OSBPL3: variants seen among roughly 807,000 people sequenced by gnomAD.
The protein encoded by OSBPL3 is oxysterol binding protein like 3.
Under a neutral mutation model 120.1 loss-of-function variants are expected in OSBPL3, and 65 were observed. That is an observed-to-expected ratio of 0.54 (90% CI 0.44 to 0.67). The LOEUF (loss-of-function observed/expected upper bound fraction) is 0.67, where lower values mean the gene tolerates loss of function less well. OSBPL3 is among the 30% of genes least tolerant of loss of function. The pLI is 0.00. For missense variants in OSBPL3, 1,004 were observed against 1,082.1 expected (o/e 0.93, Z 1.01); for synonymous variants, 416 against 402.6 (o/e 1.03, Z -0.40).
intron 14 of OSBPL3, 148 bp downstream of exon 14, chr7:24,840,542 T>G: frequency 2.2e-6 from 1 of 458,420 alleles, no homozygotes; most frequent in Non-Finnish European, 3.8e-6. Flanking sequence ...TAGTTACATC[T>G]TTGGGGAGTC....
At position 24,817,073 on chromosome 7, in the gene OSBPL3, G is replaced by A. The variant is rs1168889195; in HGVS notation, c.1949-385C>T. Among the ~76,000 whole-genome samples, 1 of 152,200 alleles carries A rather than the reference G, an allele frequency of 6.6e-6. No individual in the cohort carries two copies. Among genetic ancestry groups the A allele is most frequent in the African/African-American group, 2.4e-5 (1 of 41,462 alleles). On this transcript the variant is annotated intron_variant, in intron 17 of 22. Transcript: ENST00000313367. The surrounding 1 kb of genome is among the most constrained non-coding windows in gnomAD (Gnocchi z 4.0). Reference sequence around the variant, plus strand: ...AGGGCCATCTAAATGGGGCTTTGAGGAATAAGCAGGAGTTCACTGGGCAGA... The same window carrying A: ...AGGGCCATCTAAATGGGGCTTTGAGAAATAAGCAGGAGTTCACTGGGCAGA...
chr7:24,907,171 T>C (rs1187657835), intron 1 of OSBPL3, among the ~76,000 whole-genome samples: 2 of 152,208 alleles, frequency 1.3e-5, no homozygotes, highest in Non-Finnish European at 2.9e-5. Context: ...CATTAGGCCC[T>C]GCAACTGACT....
At chr7:24,909,775 T>TC (rs1554402700) in intron 1 of OSBPL3, among the ~76,000 whole-genome samples, 3 of 136,186 alleles carry the variant, frequency 2.2e-5, no homozygotes, top group African/African-American at 8.2e-5. Flanking sequence ...ACTGTTTTTT[T>TC]TTTCTTTCTT....
intron 19 of OSBPL3, among the ~76,000 whole-genome samples, chr7:24,814,116 G>C (rs1339903967): frequency 6.6e-6 from 1 of 152,102 alleles, no homozygotes; most frequent in Non-Finnish European, 1.5e-5. Flanking sequence ...AAGAAAATGG[G>C]ACAGGATAGG....
At position 24,881,854 on chromosome 7, in the gene OSBPL3, T is replaced by C. The variant is rs1803732197; in HGVS notation, c.97-9785A>G. Among the ~76,000 whole-genome samples, 1 of 152,184 alleles carries C rather than the reference T, an allele frequency of 6.6e-6. No individual in the cohort carries two copies. Among genetic ancestry groups the C allele is most frequent in the Non-Finnish European group, 1.5e-5 (1 of 68,026 alleles). On this transcript the variant is annotated intron_variant, in intron 2 of 22. Coordinates refer to ENST00000313367, the MANE Select transcript of OSBPL3 (RefSeq NM_015550.4). This position sits in a 1 kb window ranked among gnomAD's most constrained non-coding sequence, Gnocchi z 4.3. ...CTTCTCCCTCTGGTGGCTGCCAGCA[T>C]TCCATGGCATGGCTTGGCTTGTAGC...
rs73290274 is a variant in OSBPL3, at chr7:24,813,313, G to C, written c.2172+1746C>G. Reference sequence around the variant, plus strand: ...CAGGCGAGTGTGGCATCCACTTGCAGCATCTCTTTCAACACCAGACATGCC... The same window carrying C: ...CAGGCGAGTGTGGCATCCACTTGCACCATCTCTTTCAACACCAGACATGCC... On this transcript the variant is annotated intron_variant, in intron 19 of 22. Transcript: ENST00000313367. The surrounding 1 kb of genome is among the most constrained non-coding windows in gnomAD (Gnocchi z 4.5). 0.12 allele frequency among the ~76,000 whole-genome samples: 17,959 copies of C among 152,196 alleles called. 2,661 individuals carry two copies. The highest frequency in any genetic ancestry group is 0.35 in the African/African-American group (14,674 of 41,444).
intron 16 of OSBPL3, among the ~76,000 whole-genome samples, chr7:24,829,241 T>C (rs1796087993): frequency 6.6e-6 from 1 of 152,204 alleles, no homozygotes; most frequent in Non-Finnish European, 1.5e-5. Flanking sequence ...TCTCATTCTA[T>C]TTTAGGTTCA....
In OSBPL3 at chr7:24,831,537, C is replaced by A. The variant is rs112666005; in HGVS notation, c.1747-632G>T. Reference sequence around the variant, plus strand: ...AAGAGAGGAAGGAAGAAAAACTTTACGTGAACACGAAGTGAACAAACTCTC... The same window carrying A: ...AAGAGAGGAAGGAAGAAAAACTTTAAGTGAACACGAAGTGAACAAACTCTC... On this transcript the variant is annotated intron_variant, in intron 15 of 22. Transcript: ENST00000313367. This position sits in a 1 kb window ranked among gnomAD's most constrained non-coding sequence, Gnocchi z 4.0. 6.6e-6 allele frequency among the ~76,000 whole-genome samples: 1 copy of A among 152,126 alleles called. No individual in the cohort carries two copies. The highest frequency in any genetic ancestry group is 1.5e-5 in the Non-Finnish European group (1 of 68,030).
chr7:24,861,885 T>A, intron 9 of OSBPL3, 116 bp from the exon 10 acceptor site: 37 of 71,904 alleles, frequency 5.1e-4, no homozygotes, highest in East Asian at 6.8e-3. Context: ...TAGGTAGGTC[T>A]TTTTTTTTTT....
rs1818099602 is a variant in OSBPL3, at chr7:24,979,943, AGC to A, written c.-209_-208del. ...TTCCCCGGGGCCGGGCTCCGGGGTT[AGC>A]GCACAGAACCGGGAGAAGGCAACCC... is the stretch of plus-strand genomic sequence containing the variant. On this transcript the variant is annotated 5_prime_UTR_variant, in exon 1 of 23. Transcript: ENST00000313367. 1 of 976,516 alleles carries A rather than the reference AGC, an allele frequency of 1.0e-6. No individual in the cohort carries two copies. Among genetic ancestry groups the A allele is most frequent in the African/African-American group, 1.8e-5 (1 of 55,772 alleles). The allele number at this position is 976,516 out of a possible 1,614,324, so 60.5% of individuals were successfully genotyped here.
chr7:24,903,194 C>A (rs1324770800), intron 1 of OSBPL3, among the ~76,000 whole-genome samples: 1 of 152,194 alleles, frequency 6.6e-6, no homozygotes, highest in African/African-American at 2.4e-5. Flanking sequence ...TCTGGGTGAG[C>A]CCTGTGGCTC....
chr7:24,950,969 G>C (rs1388150677), intron 1 of OSBPL3, among the ~76,000 whole-genome samples: 1 of 151,948 alleles, frequency 6.6e-6, no homozygotes, highest in Non-Finnish European at 1.5e-5. Context: ...TTTATATAAA[G>C]CTAAGCCTTA....
In OSBPL3 at chr7:24,863,343, G is replaced by A. The variant is rs761996575; in HGVS notation, c.778-51C>T. Reference sequence around the variant, plus strand: ...CACAGACAGTAAAGTCCACCAAACCGACAAGGATAAATGCATAGCAAAGTG... The same window carrying A: ...CACAGACAGTAAAGTCCACCAAACCAACAAGGATAAATGCATAGCAAAGTG... On this transcript the variant is annotated intron_variant, in intron 8 of 22. Coordinates refer to ENST00000313367, the MANE Select transcript of OSBPL3 (RefSeq NM_015550.4). This position sits in a 1 kb window ranked among gnomAD's most constrained non-coding sequence, Gnocchi z 5.8. 6.5e-6 allele frequency: 10 copies of A among 1,529,858 alleles called. No homozygotes were observed. The highest frequency in any genetic ancestry group is 2.2e-5 in the South Asian group (2 of 89,368). The allele number at this position is 1,529,858 out of a possible 1,614,324, so 94.8% of individuals were successfully genotyped here. A position where few individuals can be genotyped will look rare whatever the true frequency, so the allele number is the denominator to read the frequency against.
chr7:24,943,537 G>T (rs941766905), intron 1 of OSBPL3, among the ~76,000 whole-genome samples: 2 of 152,112 alleles, frequency 1.3e-5, no homozygotes, highest in Non-Finnish European at 2.9e-5. Context: ...TTTAATGACT[G>T]AAATAACAGC....
intron 14 of OSBPL3, among the ~76,000 whole-genome samples, chr7:24,840,189 C>G (rs1407977283): frequency 6.6e-6 from 1 of 151,896 alleles, no homozygotes; most frequent in South Asian, 2.1e-4. Context: ...TTCTTACATA[C>G]TACTTGCTAG....
Position 24,877,210 on chromosome 7 carries a change from G to A in OSBPL3, c.97-5141C>T, listed in dbSNP as rs1802970590. Among the ~76,000 whole-genome samples the A allele has an allele frequency of 6.6e-6, 1 of 152,182 alleles. No individual in the cohort carries two copies. Among genetic ancestry groups the A allele is most frequent in the East Asian group, 1.9e-4 (1 of 5,204 alleles). On this transcript the variant is annotated intron_variant, in intron 2 of 22. Transcript: ENST00000313367. This position sits in a 1 kb window ranked among gnomAD's most constrained non-coding sequence, Gnocchi z 4.8. ...AAAAAGGAGTAAATCCCATTGGGTA[G>A]AGGAATAGTGGTGGGCCAAGACCTT... is the stretch of plus-strand genomic sequence containing the variant.
In OSBPL3 at chr7:24,831,179, G is replaced by C. The variant is rs561786916; in HGVS notation, c.1747-274C>G. The stretch of plus-strand genomic sequence containing the variant: ...TAAAGACGATGACATTTCTAAACTG[G>C]ACTACACTGTTTCTGGAAACTGTTA... On this transcript the variant is annotated intron_variant, in intron 15 of 22. Coordinates refer to ENST00000313367, the MANE Select transcript of OSBPL3 (RefSeq NM_015550.4). This position sits in a 1 kb window ranked among gnomAD's most constrained non-coding sequence, Gnocchi z 4.0. Among the ~76,000 whole-genome samples the C allele has an allele frequency of 6.6e-6, 1 of 152,114 alleles. No homozygotes were observed. The highest frequency in any genetic ancestry group is 1.9e-4 in the East Asian group (1 of 5,190).
rs369434066 is a variant in OSBPL3, at chr7:24,827,836, A to G, written c.1884+2932T>C. On this transcript the variant is annotated intron_variant, in intron 16 of 22. Coordinates refer to ENST00000313367, the MANE Select transcript of OSBPL3 (RefSeq NM_015550.4). This position sits in a 1 kb window ranked among gnomAD's most constrained non-coding sequence, Gnocchi z 5.1. ...CTGTGAGAACTCCTGGCTGCCTGAC[A>G]GCCATTTTCTGTCAGAGACTCACCA... is the stretch of plus-strand genomic sequence containing the variant. Among the ~76,000 whole-genome samples the G allele has an allele frequency of 4.5e-4, 69 of 152,318 alleles. No individual in the cohort carries two copies. The highest frequency in any genetic ancestry group is 1.6e-3 in the African/African-American group (66 of 41,566).
At chr7:24,869,261 CTTTTA>C (rs1365901959) in intron 5 of OSBPL3, among the ~76,000 whole-genome samples, 2 of 152,068 alleles carry the variant, frequency 1.3e-5, no homozygotes, top group African/African-American at 2.4e-5. Flanking sequence ...TTCATAATTA[CTTTTA>C]TTTTGTTAAC....
Sources: gnomAD v4.1 joint callset for allele counts (sites outside exome capture counted in the v4.1 genomes callset) on GRCh38, gnomAD v4.1.1 for gene constraint, Gnocchi (gnomAD v3.1) non-coding constraint, MANE v1.5 for transcripts, NCBI Gene and HGNC (gene_info 2026-07-23, HGNC 2026-07-21) for gene names.